Variants in HEATR1 observed in about 807,000 individuals in gnomAD.
HEATR1 encodes the protein HEAT repeat containing 1, also known as HEAT repeat-containing protein 1.
A neutral mutation model predicts 248.2 loss-of-function variants in HEATR1; 77 were observed. The ratio of observed to expected loss-of-function variants is 0.31; its 90% CI spans 0.26 to 0.37. The LOEUF (loss-of-function observed/expected upper bound fraction) is 0.37, where lower values mean the gene tolerates loss of function less well. Among genes scored for constraint, HEATR1 ranks in the 10% least tolerant of loss-of-function variants. The probability of loss-of-function intolerance (pLI) is 1.00; values close to 1 mark genes in which losing one functional copy is unlikely to be tolerated. For missense variants in HEATR1, 2,420 were observed against 2,504.9 expected (o/e 0.97, Z 0.72); for synonymous variants, 897 against 923.1 (o/e 0.97, Z 0.51).
intron 37 of HEATR1, among the ~76,000 whole-genome samples, chr1:236,556,790 C>G (rs1055469049): frequency 6.6e-6 from 1 of 152,122 alleles, no homozygotes; most frequent in African/African-American, 2.4e-5. Flanking sequence ...GACAGGAAAC[C>G]GCTGACGTGC....
At position 236,550,970 on chromosome 1, in the gene HEATR1, G is replaced by A. The variant is rs1662705193; in HGVS notation, c.6367C>T (p.His2123Tyr). The change falls in exon 45 of 45, where the codon CAT becomes TAT. Residue 2123 changes from histidine to tyrosine, a missense_variant. Physicochemically the swap from His to Tyr is moderately conservative, Grantham distance 83. Coordinates refer to ENST00000366582, the MANE Select transcript of HEATR1 (RefSeq NM_018072.6). ...LMEDECEEVE[H>Y]QCQKTIQQLE... Reference sequence around the variant, plus strand: ...TGCTGAATAGTCTTTTGGCACTGATGTTCTACTTCTTCACATTCATCTAAA... The same window carrying A: ...TGCTGAATAGTCTTTTGGCACTGATATTCTACTTCTTCACATTCATCTAAA... The A allele has an allele frequency of 7.5e-7, 1 of 1,341,502 alleles. No homozygotes were observed. The highest frequency in any genetic ancestry group is 1.1e-6 in the Non-Finnish European group (1 of 949,220). 83.1% of individuals were successfully genotyped at this position (1,341,502 alleles called of 1,614,324 possible). A position where few individuals can be genotyped will look rare whatever the true frequency, so the allele number is the denominator to read the frequency against.
In HEATR1 at chr1:236,596,014, C is replaced by T. The variant is rs752568839; in HGVS notation, c.775G>A (p.Ala259Thr). The change falls in exon 7 of 45, where the codon GCT becomes ACT. Residue 259 changes from alanine to threonine, a missense_variant. Physicochemically the swap from Ala to Thr is moderately conservative, Grantham distance 58 (BLOSUM62 0). Transcript: ENST00000366582. ...GLKSSLPDYRAATYMIICQIS... is the reference protein window; with the variant it reads ...GLKSSLPDYRTATYMIICQIS... ...TGACATATTATCATGTATGTTGCAG[C>T]TCTGTAATCTGGTAAAGATGATTTC... 1.7e-5 allele frequency: 27 copies of T among 1,612,180 alleles called. No individual in the cohort carries two copies. The highest frequency in any genetic ancestry group is 2.2e-5 in the Non-Finnish European group (26 of 1,178,494).
rs1198747306 is a variant in HEATR1 at position 236,549,942 on chromosome 1, C to A, written c.*960G>T. ...AAATGCAAGTTGGCCTTTTGCTTGC[C>A]ACATTTCTGCATTAAACTTCTATAT... is the stretch of plus-strand genomic sequence containing the variant. On this transcript the variant is annotated 3_prime_UTR_variant, in exon 45 of 45. Coordinates refer to ENST00000366582, the MANE Select transcript of HEATR1 (RefSeq NM_018072.6). The A allele has an allele frequency of 6.6e-6, 1 of 152,154 alleles. No homozygotes were observed. The highest frequency in any genetic ancestry group is 1.5e-5 in the Non-Finnish European group (1 of 68,038). The allele number at this position is 152,154 out of a possible 1,614,324, so 9.4% of individuals were successfully genotyped here. A position where few individuals can be genotyped will look rare whatever the true frequency, so the allele number is the denominator to read the frequency against.
chr1:236,579,002 AT>A (rs1321167297), intron 20 of HEATR1, among the ~76,000 whole-genome samples: 3 of 152,212 alleles, frequency 2.0e-5, no homozygotes, highest in Non-Finnish European at 4.4e-5. Context: ...GGTCATTTAT[AT>A]TTTGCTAGAA....
chr1:236,587,403 A>G lies in HEATR1; in HGVS notation c.1714T>C (p.Trp572Arg). The change falls in exon 14 of 45, where the codon TGG becomes CGG. Residue 572 changes from tryptophan (W) to arginine (R), a missense_variant and splice_region_variant. Trp to Arg is a moderately radical substitution (Grantham distance 101). Transcript: ENST00000366582. ...QRAELSKNGE[W>R]YEVLKIAADI... ...GTATGAGGAGAAATGAATACATACC[A>G]TTCTCCATTCTTTGAAAGTTCTGCT... 1 of 1,458,194 alleles carries G rather than the reference A, an allele frequency of 6.9e-7. No homozygotes were observed. The highest frequency in any genetic ancestry group is 9.4e-7 in the Non-Finnish European group (1 of 1,065,400). The allele number at this position is 1,458,194 out of a possible 1,614,324, so 90.3% of individuals were successfully genotyped here. A position where few individuals can be genotyped will look rare whatever the true frequency, so the allele number is the denominator to read the frequency against.
At chr1:236,558,169 A>T in intron 36 of HEATR1, 68 bp downstream of exon 36, 1 of 1,473,106 alleles carries the variant, frequency 6.8e-7, no homozygotes, top group Non-Finnish European at 9.1e-7. Flanking sequence ...AAAAAAAGTC[A>T]CCAAAGTGTT....
At chr1:236,591,730 A>G (rs557034458) in intron 11 of HEATR1, among the ~76,000 whole-genome samples, 2,672 of 96,258 alleles carry the variant, frequency 0.028, 17 homozygotes, top group Middle Eastern at 0.11. Context: ...ATTCTTAATG[A>G]ATATCCCATA....
chr1:236,586,051 T>C lies in HEATR1; in HGVS notation c.1928-110A>G, dbSNP rs1663875718. 13 of 1,387,854 alleles carry C rather than the reference T, an allele frequency of 9.4e-6. No homozygotes were observed. The East Asian group carries it at 2.4e-4, about 25-fold the overall frequency. 86.0% of individuals were successfully genotyped at this position (1,387,854 alleles called of 1,614,324 possible). A position where few individuals can be genotyped will look rare whatever the true frequency, so the allele number is the denominator to read the frequency against. ...ATTGTTTATGAAGGTTTGCTTTCTA[T>C]TTTTCCTTGTATCCGATTCTGAATT... On this transcript the variant is annotated intron_variant, in intron 15 of 44. Coordinates refer to ENST00000366582, the MANE Select transcript of HEATR1 (RefSeq NM_018072.6).
chr1:236,554,638 T>C lies in HEATR1; in HGVS notation c.6038A>G (p.Lys2013Arg), dbSNP rs769281615. ...CATCATCAAGGCTTCTGCTCTCTCT[T>C]TACTTATAAAATGCTGGGTATCAAA... ...FLFDTQHFIS[K>R]ERAEALMMPL... The change falls in exon 42 of 45, where the codon AAA becomes AGA. Residue 2013 changes from lysine to arginine, a missense_variant. Lys to Arg is a conservative substitution (Grantham distance 26). Transcript: ENST00000366582. The C allele has an allele frequency of 1.2e-6, 2 of 1,613,072 alleles. No homozygotes were observed. The highest frequency in any genetic ancestry group is 2.2e-5 in the South Asian group (2 of 90,632).
chr1:236,566,171 T>C lies in HEATR1; in HGVS notation c.4309-126A>G, dbSNP rs145036957. The C allele has an allele frequency of 1.2e-4, 104 of 838,622 alleles. No homozygotes were observed. In the African/African-American group the frequency reaches 1.8e-3, roughly 14 times the overall value. 51.9% of individuals were successfully genotyped at this position (838,622 alleles called of 1,614,324 possible). ...CTACTTTATTTAGAGTGGGTCGAGA[T>C]CTACTCCCAGATCCCATGTCTAAGA... On this transcript the variant is annotated intron_variant, in intron 30 of 44. Transcript: ENST00000366582.
At chr1:236,573,911 G>A in intron 24 of HEATR1, 1 of 204,460 alleles carries the variant, frequency 4.9e-6, no homozygotes, top group Non-Finnish European at 9.6e-6. Context: ...CCTATTCCTT[G>A]CATAAAGGAA....
intron 5 of HEATR1, 64 bp downstream of exon 5, chr1:236,597,814 T>C: frequency 9.7e-7 from 1 of 1,036,202 alleles, no homozygotes; most frequent in Non-Finnish European, 1.5e-6. Flanking sequence ...TTTTAGTATG[T>C]TTTCTTCATT....
At position 236,585,317 on chromosome 1, in the gene HEATR1, G is replaced by A. The variant is rs1663857007; in HGVS notation, c.2050-101C>T. ...AGGTATTATGTGTTTTACATTTAAA[G>A]TGAGATGACAAACAGAAAGCCTTTA... is the stretch of plus-strand genomic sequence containing the variant. On this transcript the variant is annotated intron_variant, in intron 16 of 44. Coordinates refer to ENST00000366582, the MANE Select transcript of HEATR1 (RefSeq NM_018072.6). The A allele has an allele frequency of 9.8e-6, 9 of 923,056 alleles. 1 individual carries two copies. The highest frequency in any genetic ancestry group is 2.7e-5 in the Admixed American group (1 of 37,568). The allele number at this position is 923,056 out of a possible 1,614,324, so 57.2% of individuals were successfully genotyped here. A position where few individuals can be genotyped will look rare whatever the true frequency, so the allele number is the denominator to read the frequency against.
At chr1:236,593,196 A>C (rs1266166362) in intron 9 of HEATR1, among the ~76,000 whole-genome samples, 1 of 145,972 alleles carries the variant, frequency 6.9e-6, no homozygotes, top group Non-Finnish European at 1.5e-5. Context: ...CTCCATCTTA[A>C]AGAAAAAAAA....
In HEATR1 at chr1:236,555,955, G is replaced by A; in HGVS notation, c.5515-16C>T. 6.2e-7 allele frequency: 1 copy of A among 1,613,332 alleles called. No homozygotes were observed. The highest frequency in any genetic ancestry group is 1.1e-5 in the South Asian group (1 of 91,056). On this transcript the variant is annotated splice_polypyrimidine_tract_variant and intron_variant, in intron 38 of 44. Coordinates refer to ENST00000366582, the MANE Select transcript of HEATR1 (RefSeq NM_018072.6). ...CCATGTGATTCTACCAATAACACAG[G>A]AAAGAGATGTGCCATTTTCAAATGA...
At chr1:236,588,180 G>A in intron 12 of HEATR1, 137 bp from the exon 13 acceptor site, 1 of 554,622 alleles carries the variant, frequency 1.8e-6, no homozygotes, top group South Asian at 3.1e-5. Context: ...GATGAGGACT[G>A]AAACACACTA....
chr1:236,566,836 TCAA>T lies in HEATR1; in HGVS notation c.4115_4117del (p.Val1372del), dbSNP rs749996324. The stretch of plus-strand genomic sequence containing the variant: ...ACTAATGATTTTTACCACAATCTCT[TCAA>T]CGTTTCTTGAAACTTCTATAGAATC... On this transcript the variant is annotated inframe_deletion, in exon 30 of 45. Coordinates refer to ENST00000366582, the MANE Select transcript of HEATR1 (RefSeq NM_018072.6). 1.2e-6 allele frequency: 2 copies of T among 1,614,082 alleles called. No homozygotes were observed.
At chr1:236,555,159 GT>G (rs1662927858) in intron 41 of HEATR1, 136 bp downstream of exon 41, 16 of 836,750 alleles carry the variant, frequency 1.9e-5, no homozygotes, top group Non-Finnish European at 3.0e-5. Context: ...CAACAATGAA[GT>G]AAAAAATTCA....
At position 236,559,000 on chromosome 1, in the gene HEATR1, T is replaced by C; in HGVS notation, c.4906A>G (p.Thr1636Ala). Residue 1636 changes from threonine (T) to alanine (A), a missense_variant, in exon 35 of 45, where the codon ACA (threonine) becomes GCA (alanine). Transcript: ENST00000366582. ...KLQQNISWKK[T>A]IVTRFLKLVP... is the part of the protein sequence containing the mutation. ...TGTCCTGGGTCTTCACTCACTATTG[T>C]CTTCTTCCAGGATATATTTTGCTGC... The C allele has an allele frequency of 6.2e-7, 1 of 1,606,240 alleles. No individual in the cohort carries two copies. Among genetic ancestry groups the C allele is most frequent in the East Asian group, 2.2e-5 (1 of 44,796 alleles).
Sources: allele counts gnomAD v4.1 joint callset (sites outside exome capture counted in the v4.1 genomes callset), GRCh38; gene constraint gnomAD v4.1.1; transcripts MANE v1.5; gene names NCBI Gene and HGNC (gene_info 2026-07-23, HGNC 2026-07-21).